The following RAP1A variants were observed in gnomAD, a reference collection of about 807,000 sequenced individuals.
RAP1A encodes the protein RAP1A, member of RAS oncogene family.
A neutral mutation model predicts 26.4 loss-of-function variants in RAP1A; 6 were observed. The observed-to-expected ratio is 0.23, with a 90% CI of 0.12 to 0.45. RAP1A has a LOEUF of 0.45. RAP1A is among the 20% of genes least tolerant of loss of function. The pLI, the probability that RAP1A is intolerant of heterozygous loss-of-function variation, is 0.99. For missense variants in RAP1A, 121 were observed against 217.2 expected (o/e 0.56, Z 2.78); for synonymous variants, 73 against 79.4 (o/e 0.92, Z 0.43).
chr1:111,625,543 A>G (rs1474137905), intron 1 of RAP1A, among the ~76,000 whole-genome samples: 1 of 152,200 alleles, frequency 6.6e-6, no homozygotes, highest in East Asian at 1.9e-4. Context: ...TTTAAAATTC[A>G]TTTATCAGTA....
intron 1 of RAP1A, among the ~76,000 whole-genome samples, chr1:111,598,955 G>A (rs1225444069): frequency 1.3e-5 from 2 of 152,060 alleles, no homozygotes; most frequent in Non-Finnish European, 2.9e-5. Context: ...TGCTAGAGTG[G>A]CTCAAGGAAC....
intron 1 of RAP1A, among the ~76,000 whole-genome samples, chr1:111,658,040 G>A (rs1353394330): frequency 6.6e-6 from 1 of 151,926 alleles, no homozygotes; most frequent in Non-Finnish European, 1.5e-5. Flanking sequence ...TTTAGAATAT[G>A]GTCTATCTTG....
intron 1 of RAP1A, among the ~76,000 whole-genome samples, chr1:111,641,930 C>G (rs983667503): frequency 2.6e-5 from 4 of 152,086 alleles, no homozygotes; most frequent in African/African-American, 9.7e-5. Context: ...TTAGTTTTAG[C>G]CTTTTTGCCT....
chr1:111,684,148 G>A (rs1661392742), intron 1 of RAP1A, among the ~76,000 whole-genome samples: 2 of 152,124 alleles, frequency 1.3e-5, no homozygotes, highest in Admixed American at 6.6e-5. Flanking sequence ...ACTAGGTACT[G>A]ATGGAACATA....
chr1:111,606,357 A>G (rs532275466), intron 1 of RAP1A, among the ~76,000 whole-genome samples: 1 of 152,324 alleles, frequency 6.6e-6, no homozygotes, highest in South Asian at 2.1e-4. Context: ...AAATGCCTTC[A>G]TTCTCAGAGC....
Position 111,561,306 on chromosome 1 carries a change from T to C in RAP1A, c.-28+18797T>C, listed in dbSNP as rs574225859. ...GCCTGGCTAATTTTTGTATTTTTTG[T>C]AAAGACGGGGTTTTGCCATGTTTCC... On this transcript the variant is annotated intron_variant, in intron 1 of 7. Transcript: ENST00000356415. Among the ~76,000 whole-genome samples, 7 of 152,294 alleles carry C rather than the reference T, an allele frequency of 4.6e-5. No homozygotes were observed. The East Asian group carries it at 1.3e-3, about 29-fold the overall frequency.
intron 1 of RAP1A, among the ~76,000 whole-genome samples, chr1:111,613,325 G>A (rs1171477404): frequency 4.6e-5 from 7 of 151,876 alleles, no homozygotes; most frequent in African/African-American, 1.2e-4. Flanking sequence ...TCAGCCTCCC[G>A]AGTAGCTGGG....
intron 1 of RAP1A, among the ~76,000 whole-genome samples, chr1:111,640,369 T>C (rs1659856157): frequency 6.6e-6 from 1 of 152,248 alleles, no homozygotes. Flanking sequence ...TATTTCTCAT[T>C]ATTTAAAACA....
intron 1 of RAP1A, among the ~76,000 whole-genome samples, chr1:111,564,879 A>T (rs1168066282): frequency 1.3e-5 from 2 of 152,118 alleles, no homozygotes; most frequent in Non-Finnish European, 2.9e-5. Flanking sequence ...CCCCAGAAAA[A>T]GCCCCCCATG....
chr1:111,625,058 T>C (rs1659350305), intron 1 of RAP1A, among the ~76,000 whole-genome samples: 1 of 152,246 alleles, frequency 6.6e-6, no homozygotes, highest in African/African-American at 2.4e-5. Context: ...TGTAATCATA[T>C]GTTTTAGTGT....
intron 1 of RAP1A, among the ~76,000 whole-genome samples, chr1:111,577,493 T>A (rs932014011): frequency 6.6e-6 from 1 of 151,686 alleles, no homozygotes; most frequent in Non-Finnish European, 1.5e-5. Flanking sequence ...TATTCTTTTG[T>A]AGAAACATGA....
intron 1 of RAP1A, among the ~76,000 whole-genome samples, chr1:111,581,469 A>C (rs1489204476): frequency 2.6e-5 from 4 of 152,228 alleles, no homozygotes; most frequent in African/African-American, 9.6e-5. Flanking sequence ...TGTACAGCAC[A>C]GCCCCTCATG....
chr1:111,628,195 G>T (rs1018845430), intron 1 of RAP1A, among the ~76,000 whole-genome samples: 1 of 152,146 alleles, frequency 6.6e-6, no homozygotes, highest in African/African-American at 2.4e-5. Flanking sequence ...AGCTATTTTC[G>T]TTAAATTTGT....
chr1:111,650,893 C>G (rs1660247268), intron 1 of RAP1A, among the ~76,000 whole-genome samples: 1 of 152,108 alleles, frequency 6.6e-6, no homozygotes, highest in Non-Finnish European at 1.5e-5. Context: ...CCTCCGCCTC[C>G]CAGGTTCACA....
chr1:111,597,787 A>G (rs1658589159), intron 1 of RAP1A, among the ~76,000 whole-genome samples: 1 of 152,186 alleles, frequency 6.6e-6, no homozygotes, highest in Non-Finnish European at 1.5e-5. Context: ...AGCAACACTC[A>G]ACAGGGGAGA....
rs1491049528 is a variant in RAP1A at position 111,646,433 on chromosome 1, AAC to A, written c.-28+26501_-28+26502del. Among the ~76,000 whole-genome samples the A allele has an allele frequency of 7.9e-4, 104 of 132,258 alleles. 4 individuals carry two copies. Among genetic ancestry groups the A allele is most frequent in the Non-Finnish European group, 8.1e-4 (53 of 65,386 alleles). The allele number at this position is 132,258 out of a possible 152,430, so 86.8% of individuals were successfully genotyped here. A position where few individuals can be genotyped will look rare whatever the true frequency, so the allele number is the denominator to read the frequency against. On this transcript the variant is annotated intron_variant, in intron 1 of 7. Coordinates refer to ENST00000369709, the MANE Select transcript of RAP1A (RefSeq NM_002884.4). Reference sequence around the variant, plus strand: ...TTTTCCTTTTTGTAAAAAAAAAAAAAACAAAACAAAACCTCAATTCCCAAATT... The same window carrying A: ...TTTTCCTTTTTGTAAAAAAAAAAAAAAAAACAAAACCTCAATTCCCAAATT...
At chr1:111,601,807 G>A (rs995553542) in intron 1 of RAP1A, among the ~76,000 whole-genome samples, 2 of 152,150 alleles carry the variant, frequency 1.3e-5, no homozygotes, top group African/African-American at 4.8e-5. Flanking sequence ...GATCGCTGGA[G>A]GGTTAAATGA....
intron 1 of RAP1A, among the ~76,000 whole-genome samples, chr1:111,665,672 G>A (rs1250923892): frequency 6.6e-6 from 1 of 152,098 alleles, no homozygotes; most frequent in Non-Finnish European, 1.5e-5. Context: ...TTGATGATTT[G>A]CTATGTTGCT....
At chr1:111,708,467 C>G (rs1459434586) in intron 6 of RAP1A, among the ~76,000 whole-genome samples, 2 of 152,106 alleles carry the variant, frequency 1.3e-5, no homozygotes, top group African/African-American at 4.8e-5. Context: ...AGGCAAAGGC[C>G]AAAGAACTGT....
Sources: allele counts gnomAD v4.1 joint callset (sites outside exome capture counted in the v4.1 genomes callset), GRCh38; gene constraint gnomAD v4.1.1; transcripts MANE v1.5; gene names NCBI Gene and HGNC (gene_info 2026-07-23, HGNC 2026-07-21).